Variants in CFTR observed in about 807,000 individuals in gnomAD.
The protein encoded by CFTR is CF transmembrane conductance regulator.
CFTR carries 181 observed loss-of-function variants against 171.6 expected under a neutral mutation model. That is an observed-to-expected ratio of 1.05 (90% CI 0.93 to 1.19). CFTR has a LOEUF of 1.19. CFTR is among the 50% of genes most tolerant of loss of function. CFTR has a pLI of 0.00. For synonymous variants in CFTR, 583 were observed against 608.0 expected (o/e 0.96, Z 0.60); for missense variants, 1,968 against 1,734.7 (o/e 1.13, Z -2.39).
rs188457893 is a variant in CFTR, at chr7:117,535,308, C to G, written c.640C>G (p.Leu214Val). The G allele has an allele frequency of 6.8e-6, 11 of 1,614,050 alleles. No homozygotes were observed. In the South Asian group the frequency reaches 1.1e-4, roughly 16 times the overall value. Residue 214 changes from leucine to valine, a missense_variant, in exon 6 of 27, where the codon CTA becomes GTA. Physicochemically the swap from Leu to Val is conservative, Grantham distance 32. Coordinates refer to ENST00000003084, the MANE Select transcript of CFTR (RefSeq NM_000492.4). Reference sequence around the variant, plus strand: ...TTTGCAAGTGGCACTCCTCATGGGGCTAATCTGGGAGTTGTTACAGGCGTC... The same window carrying G: ...TTTGCAAGTGGCACTCCTCATGGGGGTAATCTGGGAGTTGTTACAGGCGTC... ...APLQVALLMG[L>V]IWELLQASAF...
chr7:117,484,911 T>C (rs1242125325), intron 1 of CFTR, among the ~76,000 whole-genome samples: 1 of 152,112 alleles, frequency 6.6e-6, no homozygotes, highest in Non-Finnish European at 1.5e-5. Context: ...AATTCCTTGC[T>C]AAAGAGAGAA....
chr7:117,650,707 T>G (rs1320704248), intron 23 of CFTR, among the ~76,000 whole-genome samples: 1 of 152,044 alleles, frequency 6.6e-6, no homozygotes, highest in Admixed American at 6.6e-5. Context: ...ATGCTTCAAC[T>G]CAGGTCCTGC....
chr7:117,576,262 T>C (rs979442482), intron 11 of CFTR, among the ~76,000 whole-genome samples: 11 of 152,210 alleles, frequency 7.2e-5, no homozygotes, highest in African/African-American at 2.6e-4. Context: ...ATGGATTCAA[T>C]CAACCACAGA....
At chr7:117,553,352 G>A (rs1208575252) in intron 10 of CFTR, among the ~76,000 whole-genome samples, 1 of 151,932 alleles carries the variant, frequency 6.6e-6, no homozygotes, top group Non-Finnish European at 1.5e-5. Flanking sequence ...CCAATATTTT[G>A]TTAACACAAA....
intron 14 of CFTR, among the ~76,000 whole-genome samples, chr7:117,593,576 T>TA (rs1792071486): frequency 6.6e-6 from 1 of 152,142 alleles, no homozygotes. Context: ...AATTCATCTA[T>TA]ATAGTGTTTT....
intron 1 of CFTR, among the ~76,000 whole-genome samples, chr7:117,494,463 C>G (rs4148686): frequency 0.25 from 38,162 of 151,922 alleles, 5,063 homozygotes; most frequent in East Asian, 0.41. Flanking sequence ...CTTATCAGAG[C>G]ATTTATGTCC....
At chr7:117,516,113 TG>T (rs1168225399) in intron 3 of CFTR, among the ~76,000 whole-genome samples, 21 of 152,228 alleles carry the variant, frequency 1.4e-4, no homozygotes, top group African/African-American at 4.8e-4. Flanking sequence ...TGTAGGAATA[TG>T]GTGCATCTTG....
chr7:117,513,957 T>C (rs1798561029), intron 3 of CFTR, among the ~76,000 whole-genome samples: 1 of 152,202 alleles, frequency 6.6e-6, no homozygotes, highest in Non-Finnish European at 1.5e-5. Context: ...GATGCAACTC[T>C]GCCCTACCCC....
chr7:117,534,597 A>G (rs939343820), intron 5 of CFTR, among the ~76,000 whole-genome samples: 2 of 152,204 alleles, frequency 1.3e-5, no homozygotes, highest in African/African-American at 4.8e-5. Flanking sequence ...AAGATTTTTC[A>G]AAACTTAATT....
At position 117,534,258 on chromosome 7, in the gene CFTR, T is replaced by G. The variant is rs1268481711; in HGVS notation, c.490-18T>G. On this transcript the variant is annotated intron_variant, in intron 4 of 26. Transcript: ENST00000003084. The stretch of plus-strand genomic sequence containing the variant: ...ATTTTGTTTGTTGAAATTATCTAAC[T>G]TTCCATTTTTCTTTTAGACTTTAAA... The G allele has an allele frequency of 8.0e-7, 1 of 1,247,988 alleles. No individual in the cohort carries two copies. Among genetic ancestry groups the G allele is most frequent in the Non-Finnish European group, 1.2e-6 (1 of 848,454 alleles). 77.3% of individuals were successfully genotyped at this position (1,247,988 alleles called of 1,614,324 possible).
chr7:117,595,800 C>T (rs1037486051), intron 15 of CFTR, among the ~76,000 whole-genome samples: 8 of 152,048 alleles, frequency 5.3e-5, no homozygotes, highest in Admixed American at 2.6e-4. Context: ...GTGGGAGAAT[C>T]GCTTGAGCCT....
At chr7:117,575,223 AG>A (rs909664957) in intron 11 of CFTR, among the ~76,000 whole-genome samples, 9 of 152,154 alleles carry the variant, frequency 5.9e-5, no homozygotes, top group African/African-American at 2.2e-4. Flanking sequence ...CACTTATGAA[AG>A]TTCCCATTTC....
At chr7:117,536,754 C>T in intron 7 of CFTR, 81 bp downstream of exon 7, 1 of 1,158,466 alleles carries the variant, frequency 8.6e-7, no homozygotes, top group Non-Finnish European at 1.3e-6. Flanking sequence ...GGTAGACTTC[C>T]ACCTCATATT....
intron 20 of CFTR, 34 bp from the exon 21 acceptor site, chr7:117,614,579 A>G: frequency 7.5e-7 from 1 of 1,335,928 alleles, no homozygotes; most frequent in Non-Finnish European, 1.1e-6. Context: ...GAGAAATAAC[A>G]TGAGGTTCAT....
chr7:117,514,410 T>C (rs1325589419), intron 3 of CFTR, among the ~76,000 whole-genome samples: 4 of 152,156 alleles, frequency 2.6e-5, no homozygotes, highest in African/African-American at 4.8e-5. Context: ...CACATGGTGT[T>C]TGATTTTCTG....
intron 23 of CFTR, among the ~76,000 whole-genome samples, chr7:117,643,793 C>T (rs770595038): frequency 4.6e-5 from 7 of 152,108 alleles, no homozygotes; most frequent in Non-Finnish European, 7.4e-5. Flanking sequence ...CTTGTGGTCC[C>T]ATTTTTAATG....
chr7:117,509,181 A>ACTATAT, intron 3 of CFTR, 39 bp downstream of exon 3: 1 of 1,141,592 alleles, frequency 8.8e-7, no homozygotes, highest in Non-Finnish European at 1.3e-6. Context: ...GTATCACATA[A>ACTATAT]CTATATTCAT....
At chr7:117,611,465 C>T (rs2116083463) in intron 19 of CFTR, 116 bp from the exon 20 acceptor site, 1 of 730,004 alleles carries the variant, frequency 1.4e-6, no homozygotes, top group African/African-American at 1.8e-5. Flanking sequence ...AGCTTTTTAA[C>T]CAATGACATT....
intron 18 of CFTR, 30 bp from the exon 19 acceptor site, chr7:117,610,489 C>G (rs765928962): frequency 7.5e-6 from 12 of 1,592,140 alleles, no homozygotes; most frequent in Non-Finnish European, 1.0e-5. Context: ...AAAATGTTTA[C>G]TCACCAACAT....
Sources: gnomAD v4.1 joint callset for allele counts (sites outside exome capture counted in the v4.1 genomes callset) on GRCh38, gnomAD v4.1.1 for gene constraint, MANE v1.5 for transcripts, NCBI Gene and HGNC (gene_info 2026-07-23, HGNC 2026-07-21) for gene names.